The following HDGFL2 variants were observed in gnomAD, a reference collection of about 807,000 sequenced individuals.
The protein encoded by HDGFL2 is HDGF like 2.
Under a neutral mutation model 77.1 loss-of-function variants are expected in HDGFL2, and 36 were observed. The observed-to-expected ratio is 0.47, with a 90% CI of 0.36 to 0.62. The LOEUF is 0.62. Among genes scored for constraint, HDGFL2 ranks in the 20% least tolerant of loss-of-function variants. The pLI is 0.00. For synonymous variants in HDGFL2, 463 were observed against 413.1 expected, an observed-to-expected ratio of 1.12 and a Z score of -1.46; for missense variants, 976 against 973.4, an observed-to-expected ratio of 1.00 and a Z score of -0.04.
At chr19:4,477,123 G>A (rs779746922) in intron 3 of HDGFL2, among the ~76,000 whole-genome samples, 10 of 152,120 alleles carry the variant, frequency 6.6e-5, no homozygotes, top group Non-Finnish European at 1.0e-4. Flanking sequence ...GTCTTGAGGT[G>A]GCCTGTCTGT....
intron 6 of HDGFL2, among the ~76,000 whole-genome samples, chr19:4,492,758 C>T (rs1440735044): frequency 4.9e-5 from 5 of 102,394 alleles, no homozygotes; most frequent in African/African-American, 8.6e-5. Context: ...GTTTGTGTGT[C>T]TGGTGTGTCT....
At chr19:4,497,886 C>A (rs1303674350) in intron 10 of HDGFL2, 72 bp from the exon 11 acceptor site, 3 of 1,366,602 alleles carry the variant, frequency 2.2e-6, no homozygotes, top group Non-Finnish European at 3.0e-6. Context: ...TGGGTCCACC[C>A]CTTCAGGCGC....
At chr19:4,485,192 A>G (rs1404772351) in intron 3 of HDGFL2, among the ~76,000 whole-genome samples, 7 of 152,114 alleles carry the variant, frequency 4.6e-5, no homozygotes, top group African/African-American at 7.2e-5. Context: ...TCAGGCAACC[A>G]TGGATCCACC....
rs1396453766 is a variant in HDGFL2, at chr19:4,496,243, A to G, written c.1225-59A>G. The G allele has an allele frequency of 1.8e-5, 25 of 1,379,050 alleles. 1 individual carries two copies. In the East Asian group the frequency reaches 4.6e-4, roughly 25 times the overall value. 85.4% of individuals were successfully genotyped at this position (1,379,050 alleles called of 1,614,324 possible). ...GCATCTCCTGGTAGTGGGATGGGCT[A>G]GGGGTCTGGGTAATCCCCTCTTCCC... On this transcript the variant is annotated intron_variant, in intron 9 of 15. Transcript: ENST00000616600.
rs1246953336 is a variant in HDGFL2, at chr19:4,498,048, C to T, written c.1402+17C>T. ...AGAAGAAAGGTGAGGCCTGGCTGCC[C>T]AGCACTGCCCACACTGAGTTCACTG... On this transcript the variant is annotated intron_variant, in intron 11 of 15. Coordinates refer to ENST00000616600, the MANE Select transcript of HDGFL2 (RefSeq NM_001001520.3). 2 of 1,548,280 alleles carry T rather than the reference C, an allele frequency of 1.3e-6. No individual in the cohort carries two copies. The highest frequency in any genetic ancestry group is 2.4e-5 in the South Asian group (2 of 84,036).
intron 14 of HDGFL2, among the ~76,000 whole-genome samples, chr19:4,500,680 G>A (rs1975844665): frequency 6.6e-6 from 1 of 152,102 alleles, no homozygotes; most frequent in South Asian, 2.1e-4. Context: ...CCAGGATGGT[G>A]TCAATCTCTG....
chr19:4,497,498 C>T (rs967025176), intron 10 of HDGFL2: 3 of 304,260 alleles, frequency 9.9e-6, no homozygotes, highest in South Asian at 5.7e-5. Context: ...TGCTTGGTCC[C>T]CCAGCCCACT....
intron 3 of HDGFL2, among the ~76,000 whole-genome samples, chr19:4,482,216 C>CTT (rs1355467828): frequency 8.6e-6 from 1 of 116,552 alleles, no homozygotes. Context: ...TTCTTTCTTT[C>CTT]TTTTTTTTTT....
chr19:4,499,833 T>A, intron 14 of HDGFL2, 129 bp downstream of exon 14: 1 of 779,762 alleles, frequency 1.3e-6, no homozygotes, highest in Non-Finnish European at 2.0e-6. Context: ...TGTCATGTCC[T>A]GTTGGGGTCT....
chr19:4,476,524 C>T (rs1388349925), intron 3 of HDGFL2, among the ~76,000 whole-genome samples: 1 of 151,678 alleles, frequency 6.6e-6, no homozygotes, highest in African/African-American at 2.4e-5. Flanking sequence ...GTTATCATAG[C>T]TCTCATAAAA....
chr19:4,482,437 T>A (rs577809819), intron 3 of HDGFL2, among the ~76,000 whole-genome samples: 1 of 152,232 alleles, frequency 6.6e-6, no homozygotes, highest in Non-Finnish European at 1.5e-5. Flanking sequence ...CTCGAACTCC[T>A]GACCTTATGA....
intron 14 of HDGFL2, among the ~76,000 whole-genome samples, chr19:4,500,366 A>G (rs1050302527): frequency 1.3e-5 from 2 of 151,614 alleles, no homozygotes; most frequent in Admixed American, 6.6e-5. Flanking sequence ...AGCTCACTGC[A>G]ACCTTGACTT....
chr19:4,488,755 G>C lies in HDGFL2; in HGVS notation c.368G>C (p.Arg123Pro). The C allele has an allele frequency of 1.9e-6, 3 of 1,552,760 alleles. No individual in the cohort carries two copies. Among genetic ancestry groups the C allele is most frequent in the Non-Finnish European group, 2.6e-6 (3 of 1,147,798 alleles). ...GSDADEDDED[R>P]GVMAVTAVTA... ...GACGCTGACGAGGACGATGAGGACC[G>C]GGGGGTCATGGCCGTCACAGCGGTA... is the stretch of plus-strand genomic sequence containing the variant. Residue 123 changes from arginine to proline, a missense_variant, in exon 4 of 16, where the codon CGG becomes CCG. By Grantham distance (103) the Arg-to-Pro change is moderately radical. Coordinates refer to ENST00000616600, the MANE Select transcript of HDGFL2 (RefSeq NM_001001520.3).
chr19:4,486,168 G>A (rs34586534), intron 3 of HDGFL2, among the ~76,000 whole-genome samples: 43,579 of 151,792 alleles, frequency 0.29, 6,859 homozygotes, highest in East Asian at 0.55. Context: ...GGTGTTCCAC[G>A]CTGGCAAGGC....
Position 4,494,435 on chromosome 19 carries a change from C to A in HDGFL2, c.1184C>A (p.Ser395Tyr). 7.1e-7 allele frequency: 1 copy of A among 1,405,588 alleles called. No homozygotes were observed. The highest frequency in any genetic ancestry group is 2.9e-5 in the East Asian group (1 of 34,196). 87.1% of individuals were successfully genotyped at this position (1,405,588 alleles called of 1,614,324 possible). ...GRKGRGRGPP[S>Y]SSDSEPEAEL... is the part of the protein sequence containing the mutation. ...AAGGGCCGGGGCCGGGGTCCCCCGT[C>A]CTCCTCTGACTCCGAGCCCGAGGCC... Residue 395 changes from serine to tyrosine, a missense_variant, in exon 9 of 16, where the codon TCC (serine) becomes TAC (tyrosine). Coordinates refer to ENST00000616600, the MANE Select transcript of HDGFL2 (RefSeq NM_001001520.3).
At chr19:4,485,342 C>T (rs1975332946) in intron 3 of HDGFL2, among the ~76,000 whole-genome samples, 1 of 152,160 alleles carries the variant, frequency 6.6e-6, no homozygotes, top group Admixed American at 6.6e-5. Flanking sequence ...GTCAGAGCCT[C>T]GTTTCTTTTC....
intron 10 of HDGFL2, chr19:4,496,882 T>C: frequency 2.4e-6 from 1 of 409,824 alleles, no homozygotes; most frequent in South Asian, 1.8e-5. Context: ...TTTTTTTTTT[T>C]TTTGAGATGG....
At chr19:4,486,972 CT>C (rs374433934) in intron 3 of HDGFL2, among the ~76,000 whole-genome samples, 41 of 148,030 alleles carry the variant, frequency 2.8e-4, no homozygotes, top group Non-Finnish European at 2.8e-4. Context: ...CTCTCTCTCT[CT>C]TTTTTTTTTT....
rs375534678 is a variant in HDGFL2, at chr19:4,492,528, CTGTG to C, written c.678+698_678+701del. Among the ~76,000 whole-genome samples, 118 of 151,490 alleles carry C rather than the reference CTGTG, an allele frequency of 7.8e-4. No homozygotes were observed. The East Asian group carries it at 0.017, about 22-fold the overall frequency. On this transcript the variant is annotated intron_variant, in intron 6 of 15. Coordinates refer to ENST00000616600, the MANE Select transcript of HDGFL2 (RefSeq NM_001001520.3). ...TATCTATGTGTCTGTGTTTGTGTGT[CTGTG>C]TGTGGTGTCTGTGTTGTGTGTGTTT... is the stretch of plus-strand genomic sequence containing the variant.
Sources: gnomAD v4.1 joint callset for allele counts (sites outside exome capture counted in the v4.1 genomes callset) on GRCh38, gnomAD v4.1.1 for gene constraint, MANE v1.5 for transcripts, NCBI Gene and HGNC (gene_info 2026-07-23, HGNC 2026-07-21) for gene names.